The following UBQLN1 variants were observed in gnomAD, a reference collection of about 807,000 sequenced individuals.
UBQLN1 encodes ubiquilin-1.
In UBQLN1, 13 loss-of-function variants were observed where a neutral mutation model predicts 65.4. The ratio of observed to expected loss-of-function variants is 0.20; its 90% CI spans 0.13 to 0.32. The LOEUF is 0.32. Among genes scored for constraint, UBQLN1 ranks in the 10% least tolerant of loss-of-function variants. UBQLN1 has a pLI of 1.00. For missense variants in UBQLN1, 561 were observed against 724.0 expected (o/e 0.77, Z 2.58); for synonymous variants, 267 against 247.8 (o/e 1.08, Z -0.73).
chr9:83,666,219 C>T (rs1044549095), intron 8 of UBQLN1, 131 bp downstream of exon 8: 68 of 772,040 alleles, frequency 8.8e-5, no homozygotes, highest in South Asian at 4.7e-4. Context: ...GAATTCTCTA[C>T]GAATTGACAG....
At chr9:83,674,477 T>C (rs140813548) in intron 6 of UBQLN1, among the ~76,000 whole-genome samples, 486 of 152,134 alleles carry the variant, frequency 3.2e-3, no homozygotes, top group African/African-American at 0.011. Flanking sequence ...AAAATAAAAA[T>C]GAAAATAAGA....
intron 7 of UBQLN1, chr9:83,667,604 G>A: frequency 1.0e-6 from 1 of 985,254 alleles, no homozygotes. Flanking sequence ...TTCTTTATTG[G>A]TTCCAAATAC....
At position 83,677,518 on chromosome 9, in the gene UBQLN1, T is replaced by C. The variant is rs568429411; in HGVS notation, c.1105+209A>G. ...AAGAGGTTGCGGTGAGCTGAGATCG[T>C]GCCATTGTACTCCAGCCTGTGCAAC... On this transcript the variant is annotated intron_variant, in intron 6 of 10. Coordinates refer to ENST00000376395, the MANE Select transcript of UBQLN1 (RefSeq NM_013438.5). 8.3e-3 allele frequency among the ~76,000 whole-genome samples: 1,262 copies of C among 152,260 alleles called. 34 individuals carry two copies. The highest frequency in any genetic ancestry group is 0.045 in the East Asian group (233 of 5,170).
At chr9:83,686,471 A>T (rs141711599) in intron 1 of UBQLN1, among the ~76,000 whole-genome samples, 1 of 152,338 alleles carries the variant, frequency 6.6e-6, no homozygotes, top group African/African-American at 2.4e-5. Flanking sequence ...TCTTGATGTT[A>T]GTAAGAAATG....
In UBQLN1 at chr9:83,689,401, A is replaced by C. The variant is rs189523548; in HGVS notation, c.181-3246T>G. Among the ~76,000 whole-genome samples, 272 of 152,326 alleles carry C rather than the reference A, an allele frequency of 1.8e-3. 1 individual carries two copies. Among genetic ancestry groups the C allele is most frequent in the African/African-American group, 6.2e-3 (257 of 41,576 alleles). On this transcript the variant is annotated intron_variant, in intron 1 of 10. Coordinates refer to ENST00000376395, the MANE Select transcript of UBQLN1 (RefSeq NM_013438.5). The stretch of plus-strand genomic sequence containing the variant: ...TTATCTCAGAGAAACTGACAGACTA[A>C]ATGGGCAAAAATGAATTAGTAAAAA...
intron 1 of UBQLN1, among the ~76,000 whole-genome samples, chr9:83,699,819 C>CTAT (rs1164789680): frequency 2.6e-5 from 4 of 152,184 alleles, no homozygotes; most frequent in Admixed American, 6.5e-5. Flanking sequence ...CTGAAAGGAG[C>CTAT]TATAGATAAC....
intron 6 of UBQLN1, among the ~76,000 whole-genome samples, chr9:83,675,911 T>C (rs528561105): frequency 1.1e-4 from 17 of 151,234 alleles, no homozygotes; most frequent in African/African-American, 3.6e-4. Context: ...AAGGAAAATA[T>C]TGTAACTAAA....
chr9:83,687,961 A>G (rs1303984577), intron 1 of UBQLN1, among the ~76,000 whole-genome samples: 3 of 152,206 alleles, frequency 2.0e-5, no homozygotes, highest in African/African-American at 7.2e-5. Context: ...TTTATCTAAG[A>G]TAAGCAATTT....
intron 1 of UBQLN1, among the ~76,000 whole-genome samples, chr9:83,686,995 T>C (rs933196573): frequency 6.6e-6 from 1 of 152,142 alleles, no homozygotes; most frequent in Non-Finnish European, 1.5e-5. Flanking sequence ...AAAAAGTTTT[T>C]GGATAAAGTA....
In UBQLN1 at chr9:83,671,800, A is replaced by G. The variant is rs74625510; in HGVS notation, c.1106-2473T>C. Among the ~76,000 whole-genome samples, 1,270 of 152,338 alleles carry G rather than the reference A, an allele frequency of 8.3e-3. 37 individuals are homozygous for G. Among genetic ancestry groups the G allele is most frequent in the East Asian group, 0.046 (238 of 5,190 alleles). ...TCAGTCACCAGACACATTAGCCCCA[A>G]CAGTCAGCCTTTCCTTTGAAGAACT... On this transcript the variant is annotated intron_variant, in intron 6 of 10. Coordinates refer to ENST00000376395, the MANE Select transcript of UBQLN1 (RefSeq NM_013438.5).
chr9:83,699,302 G>A (rs1019900331), intron 1 of UBQLN1, among the ~76,000 whole-genome samples: 1 of 152,164 alleles, frequency 6.6e-6, no homozygotes, highest in African/African-American at 2.4e-5. Flanking sequence ...CCTTCCTTTT[G>A]ATTAAAGTGG....
intron 6 of UBQLN1, among the ~76,000 whole-genome samples, chr9:83,674,482 A>G (rs1315824298): frequency 6.6e-6 from 1 of 152,212 alleles, no homozygotes; most frequent in South Asian, 2.1e-4. Context: ...AAAAATGAAA[A>G]TAAGACTGCA....
At chr9:83,678,023 C>CATT in intron 5 of UBQLN1, 62 bp from the exon 6 acceptor site, 1 of 931,440 alleles carries the variant, frequency 1.1e-6, no homozygotes, top group Non-Finnish European at 1.5e-6. Flanking sequence ...AGATATGAAA[C>CATT]TTTTTTTTTT....
In UBQLN1 at chr9:83,660,765, C is replaced by G. The variant is rs1458143396; in HGVS notation, c.*1022G>C. The G allele has an allele frequency of 6.6e-6, 1 of 150,858 alleles. No homozygotes were observed. The highest frequency in any genetic ancestry group is 1.5e-5 in the Non-Finnish European group (1 of 67,890). The allele number at this position is 150,858 out of a possible 1,614,324, so 9.3% of individuals were successfully genotyped here. On this transcript the variant is annotated 3_prime_UTR_variant, in exon 11 of 11. Coordinates refer to ENST00000376395, the MANE Select transcript of UBQLN1 (RefSeq NM_013438.5). Reference sequence around the variant, plus strand: ...AAACACTTCAGAAACAATTGGCTCACAACTCATTTTAAATTTGTGTATTGC... The same window carrying G: ...AAACACTTCAGAAACAATTGGCTCAGAACTCATTTTAAATTTGTGTATTGC...
At chr9:83,696,452 C>G (rs908759766) in intron 1 of UBQLN1, among the ~76,000 whole-genome samples, 3 of 151,802 alleles carry the variant, frequency 2.0e-5, no homozygotes, top group Non-Finnish European at 4.4e-5. Context: ...TCTATAAAAA[C>G]AAACAAAAAA....
intron 9 of UBQLN1, 141 bp downstream of exon 9, chr9:83,664,889 T>C: frequency 1.7e-6 from 1 of 593,330 alleles, no homozygotes; most frequent in South Asian, 2.5e-5. Context: ...CCCACACTCA[T>C]AGCCTAGGCG....
chr9:83,690,074 A>G, intron 1 of UBQLN1, among the ~76,000 whole-genome samples: 1 of 152,202 alleles, frequency 6.6e-6, no homozygotes, highest in East Asian at 1.9e-4. Flanking sequence ...TTGCAACAGA[A>G]GTTGAACATA....
intron 1 of UBQLN1, among the ~76,000 whole-genome samples, chr9:83,702,496 T>A (rs545619304): frequency 6.6e-6 from 1 of 152,156 alleles, no homozygotes; most frequent in African/African-American, 2.4e-5. Flanking sequence ...AGCAGAAATA[T>A]ATATAAGCCA....
chr9:83,682,800 A>G (rs968658086), intron 3 of UBQLN1, 151 bp downstream of exon 3: 3 of 458,910 alleles, frequency 6.5e-6, no homozygotes, highest in Non-Finnish European at 1.2e-5. Flanking sequence ...TACTTCCTTA[A>G]TATCTACAAT....
Sources: allele counts gnomAD v4.1 joint callset (sites outside exome capture counted in the v4.1 genomes callset), GRCh38; gene constraint gnomAD v4.1.1; transcripts MANE v1.5; gene names NCBI Gene and HGNC (gene_info 2026-07-23, HGNC 2026-07-21).